SEMA6D: variants seen among roughly 807,000 people sequenced by gnomAD.
SEMA6D encodes the protein semaphorin 6D, also known as semaphorin-6D.
Under a neutral mutation model 106.6 loss-of-function variants are expected in SEMA6D, and 35 were observed. That is an observed-to-expected ratio of 0.33 (90% CI 0.25 to 0.44). The LOEUF (loss-of-function observed/expected upper bound fraction) is 0.44, where lower values mean the gene tolerates loss of function less well. Among genes scored for constraint, SEMA6D ranks in the 20% least tolerant of loss-of-function variants. SEMA6D has a pLI of 1.00. For synonymous variants in SEMA6D, 499 were observed against 487.7 expected (o/e 1.02, Z -0.31); for missense variants, 1,185 against 1,345.9 (o/e 0.88, Z 1.87).
intron 3 of SEMA6D, among the ~76,000 whole-genome samples, chr15:47,541,519 A>G (rs755629779): frequency 6.6e-6 from 1 of 152,136 alleles, no homozygotes. Flanking sequence ...AGCATTTTCT[A>G]TGTAGTAAGA....
intron 4 of SEMA6D, among the ~76,000 whole-genome samples, chr15:47,653,223 A>T (rs116088947): frequency 6.6e-6 from 1 of 152,234 alleles, no homozygotes; most frequent in African/African-American, 2.4e-5. Flanking sequence ...CACTCTTTAC[A>T]TAGAAAAACT....
intron 1 of SEMA6D, among the ~76,000 whole-genome samples, chr15:47,401,399 T>C (rs537832463): frequency 6.6e-6 from 1 of 152,306 alleles, no homozygotes; most frequent in East Asian, 1.9e-4. Flanking sequence ...AATACCATTT[T>C]ATAGATGAGA....
chr15:47,657,953 G>A (rs1448023175), intron 4 of SEMA6D, among the ~76,000 whole-genome samples: 5 of 151,334 alleles, frequency 3.3e-5, no homozygotes, highest in Non-Finnish European at 7.4e-5. Context: ...TGTTAGCCAG[G>A]ATGGTCTCGA....
intron 17 of SEMA6D, 34 bp downstream of exon 17, chr15:47,767,127 C>G: frequency 7.3e-7 from 1 of 1,373,742 alleles, no homozygotes; most frequent in Middle Eastern, 1.8e-4. Context: ...AATTAACAAC[C>G]TTTTCTTTCC....
At chr15:47,645,458 A>T (rs1482522801) in intron 4 of SEMA6D, among the ~76,000 whole-genome samples, 1 of 152,058 alleles carries the variant, frequency 6.6e-6, no homozygotes, top group Non-Finnish European at 1.5e-5. Context: ...TGGGTGTGGG[A>T]TGTTCTTTTA....
chr15:47,430,424 C>T (rs927930536), intron 2 of SEMA6D, among the ~76,000 whole-genome samples: 1 of 151,674 alleles, frequency 6.6e-6, no homozygotes, highest in African/African-American at 2.4e-5. Flanking sequence ...TCTTTGGCAT[C>T]TTATCAGACT....
At chr15:47,292,134 G>A (rs1304159357) in intron 1 of SEMA6D, among the ~76,000 whole-genome samples, 5 of 152,198 alleles carry the variant, frequency 3.3e-5, no homozygotes, top group Non-Finnish European at 5.9e-5. Flanking sequence ...CACTGTTTCT[G>A]TGCTTGAAAC....
rs1306005981 is a variant in SEMA6D at position 47,574,345 on chromosome 15, A to AC, written c.-86-26518dup. Among the ~76,000 whole-genome samples, 5 of 152,182 alleles carry AC rather than the reference A, an allele frequency of 3.3e-5. No homozygotes were observed. In the South Asian group the frequency reaches 8.3e-4, roughly 25 times the overall value. On this transcript the variant is annotated intron_variant, in intron 3 of 19. Transcript: ENST00000558014. ...TGGCTCTTCTGGAATTGAAAGGGAG[A>AC]CCTCAGCTGGCTGGTCTGATACATC...
At chr15:47,686,193 A>G (rs968695997) in intron 4 of SEMA6D, among the ~76,000 whole-genome samples, 3 of 152,200 alleles carry the variant, frequency 2.0e-5, no homozygotes, top group African/African-American at 4.8e-5. Flanking sequence ...AAGATGTCAT[A>G]TTATAGAATC....
intron 3 of SEMA6D, among the ~76,000 whole-genome samples, chr15:47,572,538 A>C (rs1215764030): frequency 6.6e-6 from 1 of 152,174 alleles, no homozygotes. Flanking sequence ...ATCTGTTCAG[A>C]AATTACCTGC....
At chr15:47,572,141 A>C (rs2046401270) in intron 3 of SEMA6D, among the ~76,000 whole-genome samples, 1 of 152,232 alleles carries the variant, frequency 6.6e-6, no homozygotes, top group East Asian at 1.9e-4. Context: ...CCATTGGGTC[A>C]GTACAATCAT....
rs190602970 is a variant in SEMA6D at position 47,334,878 on chromosome 15, G to A, written c.-238-77515G>A. ...GAATTGCCTTATTGGATATGCAAGA[G>A]AATTCAAAATAATAAGAACCATGCT... On this transcript the variant is annotated intron_variant, in intron 1 of 19. Transcript: ENST00000558014. 2.4e-4 allele frequency among the ~76,000 whole-genome samples: 36 copies of A among 152,276 alleles called. No individual in the cohort carries two copies. In the East Asian group the frequency reaches 6.6e-3, roughly 28 times the overall value.
At chr15:47,649,256 G>A (rs1433694574) in intron 4 of SEMA6D, among the ~76,000 whole-genome samples, 2 of 152,178 alleles carry the variant, frequency 1.3e-5, no homozygotes, top group Non-Finnish European at 2.9e-5. Flanking sequence ...TGGAAGAGAC[G>A]CATCTCAGAT....
At chr15:47,667,874 A>T (rs1220285076) in intron 4 of SEMA6D, among the ~76,000 whole-genome samples, 1 of 152,200 alleles carries the variant, frequency 6.6e-6, no homozygotes, top group African/African-American at 2.4e-5. Context: ...AGCTTCGTAA[A>T]CTGGAGCACT....
intron 2 of SEMA6D, among the ~76,000 whole-genome samples, chr15:47,456,220 C>G (rs1198274255): frequency 6.6e-6 from 1 of 151,900 alleles, no homozygotes; most frequent in African/African-American, 2.4e-5. Flanking sequence ...AGGTGGCTTT[C>G]TCTACACAAT....
chr15:47,616,602 C>G (rs1405713450), intron 4 of SEMA6D, among the ~76,000 whole-genome samples: 1 of 149,446 alleles, frequency 6.7e-6, no homozygotes, highest in Non-Finnish European at 1.5e-5. Context: ...AAAAGATGAT[C>G]CTAGACAAGG....
chr15:47,288,090 G>C (rs2035448455), intron 1 of SEMA6D, among the ~76,000 whole-genome samples: 1 of 152,190 alleles, frequency 6.6e-6, no homozygotes, highest in South Asian at 2.1e-4. Context: ...TTATCACCAA[G>C]GGTATGGCCC....
chr15:47,629,338 T>C (rs12595003), intron 4 of SEMA6D, among the ~76,000 whole-genome samples: 42,004 of 151,942 alleles, frequency 0.28, 7,066 homozygotes, highest in East Asian at 0.45. Flanking sequence ...AAATGGGAAT[T>C]GCATGAAACC....
chr15:47,768,377 AATATGTCTTTACTGTTAATTTTTAGT>A lies in SEMA6D; in HGVS notation c.1766-203_1766-178del, dbSNP rs545387382. 8.5e-5 allele frequency among the ~76,000 whole-genome samples: 13 copies of A among 152,274 alleles called. No homozygotes were observed. In the East Asian group the frequency reaches 2.5e-3, roughly 29 times the overall value. Reference sequence around the variant, plus strand: ...GTATCTTTAATTTTGAAATCTGCTGAATATGTCTTTACTGTTAATTTTTAGTTTTCATTCTTCCCTTGAAAGGAAGG... The same window carrying A: ...GTATCTTTAATTTTGAAATCTGCTGATTTCATTCTTCCCTTGAAAGGAAGG... On this transcript the variant is annotated intron_variant, in intron 17 of 18. Transcript: ENST00000536845.
Sources: gnomAD v4.1 joint callset for allele counts (sites outside exome capture counted in the v4.1 genomes callset) on GRCh38, gnomAD v4.1.1 for gene constraint, MANE v1.5 for transcripts, NCBI Gene and HGNC (gene_info 2026-07-23, HGNC 2026-07-21) for gene names.